Variants in B3GALT1 observed in about 807,000 individuals in gnomAD.
The protein encoded by B3GALT1 is beta-1,3-galactosyltransferase 1, also known as UDP-Gal:betaGlcNAc beta 1,3-galactosyltransferase, polypeptide 1.
A neutral mutation model predicts 23.2 loss-of-function variants in B3GALT1; 10 were observed. That is an observed-to-expected ratio of 0.43 (90% CI 0.27 to 0.73). The LOEUF (loss-of-function observed/expected upper bound fraction) is 0.73, where lower values mean the gene tolerates loss of function less well. Among genes scored for constraint, B3GALT1 ranks in the 30% least tolerant of loss-of-function variants. The probability of loss-of-function intolerance (pLI) is 0.21; values close to 1 mark genes in which losing one functional copy is unlikely to be tolerated. For synonymous variants in B3GALT1, 156 were observed against 141.5 expected, an observed-to-expected ratio of 1.10 and a Z score of -0.73; for missense variants, 299 against 405.4, an observed-to-expected ratio of 0.74 and a Z score of 2.25.
chr2:167,844,648 C>G (rs567597673), intron 4 of B3GALT1, among the ~76,000 whole-genome samples: 1 of 152,304 alleles, frequency 6.6e-6, no homozygotes, highest in East Asian at 1.9e-4. Flanking sequence ...AAGGATCCGT[C>G]GAGAGGGCAG....
chr2:167,557,367 T>C (rs1170609030), intron 2 of B3GALT1, among the ~76,000 whole-genome samples: 1 of 152,250 alleles, frequency 6.6e-6, no homozygotes, highest in Non-Finnish European at 1.5e-5. Flanking sequence ...ATCATTTTGA[T>C]GCAAAGTAAT....
In B3GALT1 at chr2:167,512,624, G is replaced by GTGTA. The variant is rs1553463291; in HGVS notation, c.-410+22348_-410+22349insGTAT. ...TATATATATGTATATATATATACGT[G>GTGTA]TATATATATATACATATATATATAT... On this transcript the variant is annotated intron_variant, in intron 2 of 4. Transcript: ENST00000392690. Among the ~76,000 whole-genome samples, 48 of 49,668 alleles carry GTGTA rather than the reference G, an allele frequency of 9.7e-4. 3 individuals are homozygous for GTGTA. Among genetic ancestry groups the GTGTA allele is most frequent in the African/African-American group, 8.0e-3 (46 of 5,766 alleles). The allele number at this position is 49,668 out of a possible 152,430, so 32.6% of individuals were successfully genotyped here.
intron 1 of B3GALT1, among the ~76,000 whole-genome samples, chr2:167,342,463 G>A (rs548752918): frequency 2.0e-5 from 3 of 151,898 alleles, no homozygotes; most frequent in African/African-American, 7.3e-5. Context: ...GGTGGCACAC[G>A]TCTGTAGTCT....
chr2:167,478,449 T>C (rs1699517274), intron 1 of B3GALT1, among the ~76,000 whole-genome samples: 1 of 151,890 alleles, frequency 6.6e-6, no homozygotes, highest in Non-Finnish European at 1.5e-5. Flanking sequence ...ATCCATGAAG[T>C]CCCTCCCAGA....
At chr2:167,498,374 G>GT (rs1559114293) in intron 2 of B3GALT1, among the ~76,000 whole-genome samples, 1 of 151,954 alleles carries the variant, frequency 6.6e-6, no homozygotes, top group East Asian at 1.9e-4. Flanking sequence ...TTTTAAGTTC[G>GT]TAAGAATTAA....
At chr2:167,456,222 A>G (rs189517509) in intron 1 of B3GALT1, among the ~76,000 whole-genome samples, 59 of 152,266 alleles carry the variant, frequency 3.9e-4, no homozygotes, top group African/African-American at 1.4e-3. Context: ...GTCACATGGC[A>G]AGAGGGAGTG....
At chr2:167,563,851 C>T (rs867335816) in intron 2 of B3GALT1, among the ~76,000 whole-genome samples, 36 of 144,296 alleles carry the variant, frequency 2.5e-4, no homozygotes, top group East Asian at 8.8e-4. Context: ...CCAGCAGGGG[C>T]GGCCGGGCAG....
chr2:167,327,735 G>C (rs1851760), intron 1 of B3GALT1, among the ~76,000 whole-genome samples: 121,211 of 152,116 alleles, frequency 0.8, 50,018 homozygotes, highest in Non-Finnish European at 0.91. Context: ...CTGGATTGCT[G>C]TGGATAGGAC....
At position 167,872,187 on chromosome 2, in the gene B3GALT1, C is replaced by G. The variant is rs1270149929; in HGVS notation, c.*2167C>G. ...AAAGTGCTGGGATTACAAGCGTGAG[C>G]CACCGCGCCCGGCCCTATTTACTTA... On this transcript the variant is annotated 3_prime_UTR_variant, in exon 5 of 5. Coordinates refer to ENST00000392690, the MANE Select transcript of B3GALT1 (RefSeq NM_020981.4). 2.0e-5 allele frequency: 3 copies of G among 152,172 alleles called. No individual in the cohort carries two copies. The highest frequency in any genetic ancestry group is 4.4e-5 in the Non-Finnish European group (3 of 68,160). 9.4% of individuals were successfully genotyped at this position (152,172 alleles called of 1,614,324 possible).
chr2:167,642,714 T>C (rs1685674793), intron 2 of B3GALT1, among the ~76,000 whole-genome samples: 1 of 152,184 alleles, frequency 6.6e-6, no homozygotes, highest in African/African-American at 2.4e-5. Context: ...TTTCTTCTCA[T>C]ATATTATATA....
intron 1 of B3GALT1, among the ~76,000 whole-genome samples, chr2:167,388,700 C>G (rs73021736): frequency 0.032 from 4,890 of 152,190 alleles, 248 homozygotes; most frequent in African/African-American, 0.11. Flanking sequence ...CTTAATGCTT[C>G]GCCTCACCCC....
At chr2:167,672,413 C>T (rs1686347964) in intron 3 of B3GALT1, among the ~76,000 whole-genome samples, 1 of 152,136 alleles carries the variant, frequency 6.6e-6, no homozygotes. Context: ...TCTGATCTAG[C>T]CCTAAAAATG....
At chr2:167,719,948 A>G (rs979674232) in intron 3 of B3GALT1, among the ~76,000 whole-genome samples, 1 of 152,014 alleles carries the variant, frequency 6.6e-6, no homozygotes, top group Non-Finnish European at 1.5e-5. Flanking sequence ...AAAAAAAGAA[A>G]GTCCAGGAAG....
chr2:167,676,181 A>T (rs983179914), intron 3 of B3GALT1, among the ~76,000 whole-genome samples: 2 of 151,662 alleles, frequency 1.3e-5, no homozygotes, highest in African/African-American at 4.8e-5. Flanking sequence ...CCTCTCACAC[A>T]CGCTGTTCTC....
intron 2 of B3GALT1, among the ~76,000 whole-genome samples, chr2:167,568,944 T>A (rs1684234749): frequency 6.6e-6 from 1 of 152,024 alleles, no homozygotes; most frequent in East Asian, 1.9e-4. Context: ...TGCACGTGGA[T>A]GTGCAGTTGT....
chr2:167,332,596 T>C (rs1356744033), intron 1 of B3GALT1, among the ~76,000 whole-genome samples: 1 of 152,224 alleles, frequency 6.6e-6, no homozygotes, highest in Non-Finnish European at 1.5e-5. Flanking sequence ...CATGCCCCAG[T>C]TGCCCTCTTT....
chr2:167,651,192 C>G (rs550411553), intron 3 of B3GALT1, among the ~76,000 whole-genome samples: 1 of 151,498 alleles, frequency 6.6e-6, no homozygotes, highest in African/African-American at 2.4e-5. Context: ...TTCTGCAGCA[C>G]CTTTGTATGA....
chr2:167,836,602 T>C (rs1689479878), intron 4 of B3GALT1, among the ~76,000 whole-genome samples: 1 of 152,096 alleles, frequency 6.6e-6, no homozygotes, highest in South Asian at 2.1e-4. Context: ...GAAAACACTC[T>C]GCAGGATATT....
chr2:167,721,261 A>G (rs16854089), intron 3 of B3GALT1, among the ~76,000 whole-genome samples: 31,247 of 152,214 alleles, frequency 0.21, 3,480 homozygotes, highest in East Asian at 0.48. Context: ...CAGAGCTTCT[A>G]TTTGGACAAC....
Sources: gnomAD v4.1 joint callset for allele counts (sites outside exome capture counted in the v4.1 genomes callset) on GRCh38, gnomAD v4.1.1 for gene constraint, MANE v1.5 for transcripts, NCBI Gene and HGNC (gene_info 2026-07-23, HGNC 2026-07-21) for gene names.